The following PACRG variants were observed in gnomAD, a reference collection of about 807,000 sequenced individuals.
The protein encoded by PACRG is parkin coregulated.
Under a neutral mutation model 29.7 loss-of-function variants are expected in PACRG, and 29 were observed. That is an observed-to-expected ratio of 0.98 (90% CI 0.73 to 1.33). The LOEUF (loss-of-function observed/expected upper bound fraction) is 1.33. PACRG is among the 40% of genes most tolerant of loss of function. The probability of loss-of-function intolerance (pLI) is 0.00; values close to 1 mark genes in which losing one functional copy is unlikely to be tolerated. For missense variants in PACRG, 279 were observed against 316.2 expected, an observed-to-expected ratio of 0.88 and a Z score of 0.89; for synonymous variants, 116 against 118.7, an observed-to-expected ratio of 0.98 and a Z score of 0.15.
chr6:163,308,808 G>C (rs1008631103), intron 4 of PACRG, among the ~76,000 whole-genome samples: 11 of 152,158 alleles, frequency 7.2e-5, no homozygotes, highest in Non-Finnish European at 1.3e-4. Context: ...GGCCGCCAGG[G>C]CTCGCTTTCT....
At chr6:163,164,096 AT>A (rs1402532657) in intron 4 of PACRG, among the ~76,000 whole-genome samples, 1 of 152,154 alleles carries the variant, frequency 6.6e-6, no homozygotes, top group African/African-American at 2.4e-5. Context: ...TTAAAAAAAA[AT>A]GTTTGGCTTA....
intron 4 of PACRG, among the ~76,000 whole-genome samples, chr6:163,285,995 G>A (rs1039502155): frequency 5.3e-5 from 8 of 152,274 alleles, no homozygotes; most frequent in Admixed American, 1.3e-4. Flanking sequence ...TGGTTCTGTC[G>A]TGTAAATCAC....
chr6:162,968,106 A>C (rs1206837330), intron 2 of PACRG, among the ~76,000 whole-genome samples: 2 of 152,088 alleles, frequency 1.3e-5, no homozygotes, highest in African/African-American at 4.8e-5. Context: ...AGACTGCCAT[A>C]ATTAATTAAG....
intron 2 of PACRG, among the ~76,000 whole-genome samples, chr6:162,869,469 G>T (rs1792610578): frequency 6.6e-6 from 1 of 152,192 alleles, no homozygotes; most frequent in Middle Eastern, 3.4e-3. Context: ...ACTATTGTCA[G>T]GAAAAAAAGC....
At position 162,947,617 on chromosome 6, in the gene PACRG, T is replaced by TATAATC. The variant is rs1799296996; in HGVS notation, c.292-114530_292-114529insATCATA. ...AATCATATATATATATAATCATATA[T>TATAATC]ATATATATATATATATATATATATA... On this transcript the variant is annotated intron_variant, in intron 2 of 4. Coordinates refer to ENST00000366888, the MANE Select transcript of PACRG (RefSeq NM_001080379.2). 7.8e-5 allele frequency among the ~76,000 whole-genome samples: 3 copies of TATAATC among 38,340 alleles called. 1 individual carries two copies. Among genetic ancestry groups the TATAATC allele is most frequent in the East Asian group, 1.1e-3 (2 of 1,778 alleles). The allele number at this position is 38,340 out of a possible 152,430, so 25.2% of individuals were successfully genotyped here.
At chr6:163,155,878 G>A (rs1778290924) in intron 4 of PACRG, among the ~76,000 whole-genome samples, 1 of 152,142 alleles carries the variant, frequency 6.6e-6, no homozygotes, top group Non-Finnish European at 1.5e-5. Context: ...CTAGATCTCT[G>A]CACACACCGC....
intron 4 of PACRG, among the ~76,000 whole-genome samples, chr6:163,266,727 G>C (rs1321282261): frequency 6.6e-6 from 1 of 152,150 alleles, no homozygotes; most frequent in Non-Finnish European, 1.5e-5. Flanking sequence ...ACCCTCATCT[G>C]ACAGATGAGG....
At position 163,278,436 on chromosome 6, in the gene PACRG, A is replaced by G. The variant is rs1192231827; in HGVS notation, c.614-36391A>G. Among the ~76,000 whole-genome samples the G allele has an allele frequency of 2.0e-5, 3 of 152,116 alleles. No individual in the cohort carries two copies. In the East Asian group the frequency reaches 5.8e-4, roughly 29 times the overall value. On this transcript the variant is annotated intron_variant, in intron 4 of 4. Coordinates refer to ENST00000366888, the MANE Select transcript of PACRG (RefSeq NM_001080379.2). ...GTCAATGTCTAGAAAAGTTTTTCCA[A>G]TGTTATCTTATAGAGTCTTTATGGT...
chr6:163,257,956 G>A (rs565714272), intron 4 of PACRG, among the ~76,000 whole-genome samples: 23 of 151,904 alleles, frequency 1.5e-4, no homozygotes, highest in Non-Finnish European at 2.5e-4. Flanking sequence ...TATTATTTCC[G>A]CTGATTCCTC....
At chr6:162,948,932 A>G (rs1333411702) in intron 2 of PACRG, among the ~76,000 whole-genome samples, 1 of 152,142 alleles carries the variant, frequency 6.6e-6, no homozygotes, top group Non-Finnish European at 1.5e-5. Flanking sequence ...GCCAGTATGG[A>G]AAACAGTATG....
At chr6:163,135,651 A>T (rs184853696) in intron 4 of PACRG, among the ~76,000 whole-genome samples, 464 of 152,318 alleles carry the variant, frequency 3.0e-3, no homozygotes, top group Middle Eastern at 0.01. Context: ...AGCTGGAGTG[A>T]TTTTAAGGTA....
At chr6:162,942,193 G>T (rs1188895589) in intron 2 of PACRG, among the ~76,000 whole-genome samples, 3 of 152,236 alleles carry the variant, frequency 2.0e-5, no homozygotes, top group East Asian at 3.9e-4. Flanking sequence ...AAAATCTTAG[G>T]CAAGTTTCTT....
intron 2 of PACRG, among the ~76,000 whole-genome samples, chr6:162,859,629 C>T (rs1584568138): frequency 1.3e-5 from 2 of 152,190 alleles, no homozygotes; most frequent in South Asian, 4.1e-4. Flanking sequence ...AGAAAGGCCA[C>T]TTTCTGACCT....
intron 1 of PACRG, among the ~76,000 whole-genome samples, chr6:162,786,677 C>T (rs1356259165): frequency 6.6e-6 from 1 of 151,722 alleles, no homozygotes. Context: ...ACGAGTTTAG[C>T]CTAATGAAAG....
intron 3 of PACRG, among the ~76,000 whole-genome samples, chr6:163,070,553 A>G (rs925150255): frequency 5.9e-5 from 9 of 152,186 alleles, no homozygotes; most frequent in African/African-American, 1.9e-4. Context: ...ATGGATATAC[A>G]TAAAATAAAA....
chr6:162,834,364 G>A (rs752416834), intron 2 of PACRG, among the ~76,000 whole-genome samples: 1 of 152,054 alleles, frequency 6.6e-6, no homozygotes, highest in African/African-American at 2.4e-5. Flanking sequence ...TATATACATT[G>A]TATAACATTG....
At chr6:163,114,531 T>G (rs1273604996) in intron 4 of PACRG, among the ~76,000 whole-genome samples, 1 of 152,160 alleles carries the variant, frequency 6.6e-6, no homozygotes, top group Non-Finnish European at 1.5e-5. Flanking sequence ...GTCTTGGGAA[T>G]AAAGGAAATC....
chr6:162,804,931 G>A (rs1219529380), intron 1 of PACRG, among the ~76,000 whole-genome samples: 2 of 152,114 alleles, frequency 1.3e-5, no homozygotes, highest in African/African-American at 4.8e-5. Context: ...AACTTAGATG[G>A]TATTGCCTAC....
intron 4 of PACRG, among the ~76,000 whole-genome samples, chr6:163,296,769 A>T (rs1784792064): frequency 6.6e-6 from 1 of 152,224 alleles, no homozygotes; most frequent in Non-Finnish European, 1.5e-5. Context: ...GCTCTTTCAG[A>T]CAGGGCAATA....
Sources: gnomAD v4.1 joint callset for allele counts (sites outside exome capture counted in the v4.1 genomes callset) on GRCh38, gnomAD v4.1.1 for gene constraint, MANE v1.5 for transcripts, NCBI Gene and HGNC (gene_info 2026-07-23, HGNC 2026-07-21) for gene names.